Variants in KAZN observed in about 807,000 individuals in gnomAD.
The protein encoded by KAZN is kazrin.
In KAZN, 40 loss-of-function variants were observed where a neutral mutation model predicts 87.4. The ratio of observed to expected loss-of-function variants is 0.46; its 90% CI spans 0.36 to 0.60. The LOEUF is 0.60. KAZN is among the 20% of genes least tolerant of loss of function. The probability of loss-of-function intolerance (pLI) is 0.00; values close to 1 mark genes in which losing one functional copy is unlikely to be tolerated. For synonymous variants in KAZN, 466 were observed against 458.3 expected, an observed-to-expected ratio of 1.02 and a Z score of -0.22; for missense variants, 898 against 1,073.9, an observed-to-expected ratio of 0.84 and a Z score of 2.29.
At chr1:14,779,011 G>C (rs1645257129) in intron 1 of KAZN, among the ~76,000 whole-genome samples, 2 of 152,098 alleles carry the variant, frequency 1.3e-5, no homozygotes, top group African/African-American at 4.8e-5. Flanking sequence ...ACTAGCTTGG[G>C]CTCCTTTTTC....
intron 1 of KAZN, among the ~76,000 whole-genome samples, chr1:14,617,112 C>G (rs897375731): frequency 6.6e-6 from 1 of 152,210 alleles, no homozygotes; most frequent in African/African-American, 2.4e-5. Flanking sequence ...CCAGCAGCCC[C>G]ACCACATCCT....
chr1:14,907,256 G>A (rs1163862562), intron 1 of KAZN, among the ~76,000 whole-genome samples: 1 of 151,620 alleles, frequency 6.6e-6, no homozygotes, highest in Non-Finnish European at 1.5e-5. Context: ...AAAACAATTA[G>A]CAGGGCATGG....
At chr1:14,494,485 G>A (rs553631129) in intron 2 of KAZN, among the ~76,000 whole-genome samples, 1 of 152,242 alleles carries the variant, frequency 6.6e-6, no homozygotes, top group South Asian at 2.1e-4. Context: ...GGGATGTTGA[G>A]TTCCCCATGT....
chr1:13,960,690 G>A (rs950127056), intron 1 of KAZN, among the ~76,000 whole-genome samples: 4 of 152,202 alleles, frequency 2.6e-5, no homozygotes, highest in African/African-American at 9.7e-5. Context: ...GGTCCTACTT[G>A]GGCTAGTGTC....
At chr1:14,187,278 G>A (rs1230336809) in intron 2 of KAZN, among the ~76,000 whole-genome samples, 8 of 152,024 alleles carry the variant, frequency 5.3e-5, no homozygotes, top group Non-Finnish European at 8.8e-5. Flanking sequence ...TTAAAACCTG[G>A]CTTCAGATAT....
chr1:14,234,652 G>C lies in KAZN; in HGVS notation c.249+54060G>C, dbSNP rs12046487. ...ATCTGTGCAAGGTGTGGGGGTGGTG[G>C]AGGTGATGGTTGAAGTGGGTGGAGC... On this transcript the variant is annotated intron_variant, in intron 2 of 16. Transcript: ENST00000636203. 6.8e-4 allele frequency among the ~76,000 whole-genome samples: 104 copies of C among 152,294 alleles called. 2 individuals carry two copies. The East Asian group carries it at 0.012, about 17-fold the overall frequency.
intron 1 of KAZN, among the ~76,000 whole-genome samples, chr1:14,738,239 C>T (rs1572361796): frequency 6.6e-6 from 1 of 152,138 alleles, no homozygotes; most frequent in East Asian, 1.9e-4. Context: ...ATGGGAGTCC[C>T]AAAGGCACCA....
chr1:14,639,974 C>T (rs780556536), intron 1 of KAZN, among the ~76,000 whole-genome samples: 20 of 152,214 alleles, frequency 1.3e-4, no homozygotes, highest in East Asian at 5.8e-4. Flanking sequence ...CTTCTCCCTG[C>T]GGCATGATGG....
intron 1 of KAZN, among the ~76,000 whole-genome samples, chr1:14,893,332 C>T (rs1380726505): frequency 6.6e-6 from 1 of 152,158 alleles, no homozygotes; most frequent in Non-Finnish European, 1.5e-5. Flanking sequence ...CACCATTGCA[C>T]TCCAGCCTGG....
chr1:14,528,771 AT>A (rs545220941), intron 2 of KAZN, among the ~76,000 whole-genome samples: 2 of 150,492 alleles, frequency 1.3e-5, no homozygotes, highest in Admixed American at 6.6e-5. Flanking sequence ...AAAAAAAAAA[AT>A]AGACAGCTCT....
chr1:14,266,929 C>A (rs922632845), intron 2 of KAZN, among the ~76,000 whole-genome samples: 2 of 151,738 alleles, frequency 1.3e-5, no homozygotes, highest in Non-Finnish European at 2.9e-5. Flanking sequence ...GGTACATGTG[C>A]ACAACATGCA....
At chr1:15,038,787 CTAT>C (rs1672607355) in intron 3 of KAZN, among the ~76,000 whole-genome samples, 1 of 146,706 alleles carries the variant, frequency 6.8e-6, no homozygotes, top group African/African-American at 2.7e-5. Context: ...CATGAATGTG[CTAT>C]TACCAACAGC....
intron 1 of KAZN, among the ~76,000 whole-genome samples, chr1:14,734,788 G>T (rs190201623): frequency 2.8e-4 from 43 of 152,334 alleles, no homozygotes; most frequent in Admixed American, 2.7e-3. Flanking sequence ...AACTTTTCTT[G>T]TGTGTAATGT....
At chr1:14,642,957 C>T (rs1337177276) in intron 1 of KAZN, among the ~76,000 whole-genome samples, 1 of 152,180 alleles carries the variant, frequency 6.6e-6, no homozygotes, top group Non-Finnish European at 1.5e-5. Flanking sequence ...AGAGATTTGG[C>T]ACTGTCTTAT....
chr1:15,110,665 C>T (rs1221074545), intron 13 of KAZN, among the ~76,000 whole-genome samples: 4 of 152,344 alleles, frequency 2.6e-5, no homozygotes, highest in Admixed American at 2.6e-4. Context: ...AACGCTAAGG[C>T]ACTGAGCCAG....
At chr1:14,278,101 C>T (rs1026138026) in intron 2 of KAZN, among the ~76,000 whole-genome samples, 13 of 136,632 alleles carry the variant, frequency 9.5e-5, no homozygotes, top group Admixed American at 4.0e-4. Flanking sequence ...ATCTGGGAGG[C>T]GGAGGTTGCT....
intron 2 of KAZN, among the ~76,000 whole-genome samples, chr1:15,028,235 G>A (rs972057498): frequency 1.7e-4 from 26 of 152,306 alleles, no homozygotes; most frequent in Non-Finnish European, 3.5e-4. Context: ...TCCCAGGAGC[G>A]GGCTGGTCTC....
chr1:14,454,543 T>G (rs6678375), intron 2 of KAZN, among the ~76,000 whole-genome samples: 41,212 of 152,144 alleles, frequency 0.27, 6,678 homozygotes, highest in Middle Eastern at 0.46. Context: ...AGCTGCCCCT[T>G]GAAGAGAGGA....
chr1:14,381,942 CA>C (rs926691938), intron 2 of KAZN, among the ~76,000 whole-genome samples: 4 of 152,142 alleles, frequency 2.6e-5, no homozygotes, highest in Admixed American at 2.6e-4. Flanking sequence ...AAGACTCCAC[CA>C]AAAAACTATT....
Sources: allele counts gnomAD v4.1 joint callset (sites outside exome capture counted in the v4.1 genomes callset), GRCh38; gene constraint gnomAD v4.1.1; transcripts MANE v1.5; gene names NCBI Gene and HGNC (gene_info 2026-07-23, HGNC 2026-07-21).